Variants in MYO9B observed in about 807,000 individuals in gnomAD.
MYO9B encodes the protein myosin IXB.
In MYO9B, 71 loss-of-function variants were observed where a neutral mutation model predicts 229.5. The observed-to-expected ratio is 0.31, with a 90% CI of 0.26 to 0.38. The LOEUF (loss-of-function observed/expected upper bound fraction) is 0.38. MYO9B is among the 10% of genes least tolerant of loss of function. MYO9B has a pLI of 1.00. For synonymous variants in MYO9B, 1,185 were observed against 1,235.8 expected (o/e 0.96, Z 0.86); for missense variants, 2,255 against 2,920.5 (o/e 0.77, Z 5.25).
In MYO9B at chr19:17,200,656, C is replaced by T; in HGVS notation, c.4390C>T (p.His1464Tyr). The change falls in exon 26 of 40, where the codon CAT becomes TAT. Residue 1464 changes from histidine (H) to tyrosine (Y), a missense_variant. Transcript: ENST00000682292. ...CCCCTCAGCCCCCTCCGGACAGCAGCATCGCCACGCTGCAGGTGAGAAGCG... is the reference window on the plus strand; with the variant it reads ...CCCCTCAGCCCCCTCCGGACAGCAGTATCGCCACGCTGCAGGTGAGAAGCG... ...KGLEAPSGQQHRHAAGEKRTK... is the reference protein window; with the variant it reads ...KGLEAPSGQQYRHAAGEKRTK... The T allele has an allele frequency of 1.2e-6, 2 of 1,613,590 alleles. No individual in the cohort carries two copies. The highest frequency in any genetic ancestry group is 1.7e-6 in the Non-Finnish European group (2 of 1,179,676).
At chr19:17,163,157 T>C (rs1484574868) in intron 10 of MYO9B, 35 bp downstream of exon 10, 4 of 1,541,274 alleles carry the variant, frequency 2.6e-6, no homozygotes, top group Non-Finnish European at 3.5e-6. Flanking sequence ...TTTTTTGAAC[T>C]TGGTAAATCA....
At position 17,191,086 on chromosome 19, in the gene MYO9B, A is replaced by G. The variant is rs975877147; in HGVS notation, c.2689-11A>G. 6.2e-7 allele frequency: 1 copy of G among 1,610,896 alleles called. No homozygotes were observed. The highest frequency in any genetic ancestry group is 8.5e-7 in the Non-Finnish European group (1 of 1,178,332). On this transcript the variant is annotated splice_polypyrimidine_tract_variant and intron_variant, in intron 19 of 39. Coordinates refer to ENST00000682292, the MANE Select transcript of MYO9B (RefSeq NM_004145.4). Reference sequence around the variant, plus strand: ...CACCTAGATTTTCCTTTCTCCACCCAAATAACCTAGGATTTCACCGAGCAG... The same window carrying G: ...CACCTAGATTTTCCTTTCTCCACCCGAATAACCTAGGATTTCACCGAGCAG...
chr19:17,197,359 G>C (rs190284376), intron 22 of MYO9B, among the ~76,000 whole-genome samples: 9 of 152,052 alleles, frequency 5.9e-5, no homozygotes, highest in Admixed American at 5.2e-4. Flanking sequence ...GTGGAAGATA[G>C]AGACAATGAG....
chr19:17,203,799 C>T (rs554378713), intron 30 of MYO9B, among the ~76,000 whole-genome samples: 15 of 151,996 alleles, frequency 9.9e-5, no homozygotes, highest in Non-Finnish European at 1.9e-4. Flanking sequence ...CTCCTCTCCT[C>T]GTGGGCCCTG....
intron 35 of MYO9B, among the ~76,000 whole-genome samples, chr19:17,208,338 CAA>C (rs1268847351): frequency 5.9e-5 from 3 of 50,746 alleles, no homozygotes; most frequent in Non-Finnish European, 1.1e-4. Context: ...GACTCCGTCT[CAA>C]AAAAAAAAAA....
At chr19:17,128,955 C>T (rs1036147662) in intron 2 of MYO9B, among the ~76,000 whole-genome samples, 1 of 152,202 alleles carries the variant, frequency 6.6e-6, no homozygotes, top group African/African-American at 2.4e-5. Flanking sequence ...TCTCCAGCCG[C>T]AGCCTCTCTT....
chr19:17,185,570 CAAAA>C (rs375097172), intron 17 of MYO9B, among the ~76,000 whole-genome samples: 2 of 149,178 alleles, frequency 1.3e-5, no homozygotes, highest in Non-Finnish European at 3.0e-5. Flanking sequence ...CAAAACAAAA[CAAAA>C]AAAACACTAC....
rs1171959428 is a variant in MYO9B at position 17,152,625 on chromosome 19, G to T, written c.936-19G>T. The T allele has an allele frequency of 1.3e-6, 2 of 1,598,724 alleles. No individual in the cohort carries two copies. Among genetic ancestry groups the T allele is most frequent in the East Asian group, 2.2e-5 (1 of 44,678 alleles). On this transcript the variant is annotated intron_variant, in intron 3 of 39. Transcript: ENST00000682292. The stretch of plus-strand genomic sequence containing the variant: ...TAAAATGTAATGTTTTATTCTTTCT[G>T]TTTTTCTCTTAATGACAGAGCTGTC...
At chr19:17,133,156 C>G (rs1264868668) in intron 2 of MYO9B, among the ~76,000 whole-genome samples, 4 of 152,036 alleles carry the variant, frequency 2.6e-5, no homozygotes, top group Non-Finnish European at 4.4e-5. Context: ...TATTTTATTT[C>G]TAATTGATGA....
chr19:17,210,663 T>G (rs1568305346), intron 37 of MYO9B, 52 bp from the exon 38 acceptor site: 2 of 1,486,428 alleles, frequency 1.3e-6, no homozygotes, highest in Non-Finnish European at 1.8e-6. Context: ...CCTCCGGCAG[T>G]AACCTCGCCC....
At chr19:17,156,138 G>A (rs531102196) in intron 6 of MYO9B, among the ~76,000 whole-genome samples, 13 of 152,100 alleles carry the variant, frequency 8.5e-5, no homozygotes, top group Non-Finnish European at 1.6e-4. Context: ...AGCATTAGAC[G>A]TCAGGACAGT....
At chr19:17,090,155 TTTTTTTGA>T (rs2057624301) in intron 1 of MYO9B, among the ~76,000 whole-genome samples, 1 of 78,560 alleles carries the variant, frequency 1.3e-5, no homozygotes, top group Non-Finnish European at 2.3e-5. Context: ...TTTTTTTTTT[TTTTTTTGA>T]GATAAGGTCT....
At chr19:17,190,790 C>T (rs2072976043) in intron 19 of MYO9B, among the ~76,000 whole-genome samples, 1 of 152,014 alleles carries the variant, frequency 6.6e-6, no homozygotes, top group Non-Finnish European at 1.5e-5. Flanking sequence ...TCCCAAGTAG[C>T]TGGGACTACA....
chr19:17,079,995 T>G (rs1272840796), intron 1 of MYO9B, among the ~76,000 whole-genome samples: 1 of 151,676 alleles, frequency 6.6e-6, no homozygotes, highest in Non-Finnish European at 1.5e-5. Context: ...GCCTCAGAGA[T>G]TAGGCATGTT....
At chr19:17,153,506 G>T (rs998964254) in intron 4 of MYO9B, among the ~76,000 whole-genome samples, 12 of 150,878 alleles carry the variant, frequency 8.0e-5, no homozygotes, top group African/African-American at 2.9e-4. Flanking sequence ...GGGCAACATG[G>T]CAAAATCCCA....
chr19:17,089,205 G>T (rs1327176601), intron 1 of MYO9B, among the ~76,000 whole-genome samples: 1 of 151,884 alleles, frequency 6.6e-6, no homozygotes, highest in Non-Finnish European at 1.5e-5. Context: ...CCAATAGGCT[G>T]ACTTTGTGGT....
intron 8 of MYO9B, among the ~76,000 whole-genome samples, chr19:17,161,315 A>T (rs1423861299): frequency 6.6e-6 from 1 of 152,038 alleles, no homozygotes; most frequent in Non-Finnish European, 1.5e-5. Flanking sequence ...GGGTCTGTTA[A>T]CGCCTCAGTG....
rs2072544578 is a variant in MYO9B, at chr19:17,156,999, G to T, written c.1290G>T (p.Gly430=). ...GCCGAGAGGAAGGGTTGGAGGTCGGGCCACCCGAGGTGCTGGACACCCTGT... is the reference window on the plus strand; with the variant it reads ...GCCGAGAGGAAGGGTTGGAGGTCGGTCCACCCGAGGTGCTGGACACCCTGT... ...ATGREEGLEV[G]PPEVLDTLSQ... Residue 430 remains glycine (G), a synonymous_variant, in exon 7 of 40, where the codon GGG becomes GGT. Coordinates refer to ENST00000682292, the MANE Select transcript of MYO9B (RefSeq NM_004145.4). 1 of 1,613,742 alleles carries T rather than the reference G, an allele frequency of 6.2e-7. No individual in the cohort carries two copies. The highest frequency in any genetic ancestry group is 8.5e-7 in the Non-Finnish European group (1 of 1,179,814).
At position 17,128,264 on chromosome 19, in the gene MYO9B, G is replaced by T. The variant is rs188652953; in HGVS notation, c.841-17133G>T. Among the ~76,000 whole-genome samples the T allele has an allele frequency of 2.7e-3, 417 of 151,868 alleles. 2 individuals are homozygous for T. The highest frequency in any genetic ancestry group is 9.6e-3 in the African/African-American group (397 of 41,382). ...AATTTAGCAAGGCACAGTGGTATGC[G>T]CCGGTGGTCCCAGCTACTTGAGAGT... On this transcript the variant is annotated intron_variant, in intron 2 of 39. Transcript: ENST00000682292.
Sources: gnomAD v4.1 joint callset for allele counts (sites outside exome capture counted in the v4.1 genomes callset) on GRCh38, gnomAD v4.1.1 for gene constraint, MANE v1.5 for transcripts, NCBI Gene and HGNC (gene_info 2026-07-23, HGNC 2026-07-21) for gene names.